The following HECW1 variants were observed in gnomAD, a reference collection of about 807,000 sequenced individuals.
HECW1 encodes E3 ubiquitin-protein ligase HECW1.
In HECW1, 61 loss-of-function variants were observed where a neutral mutation model predicts 182.3. That is an observed-to-expected ratio of 0.33 (90% CI 0.27 to 0.41). The LOEUF (loss-of-function observed/expected upper bound fraction) is 0.41, where lower values mean the gene tolerates loss of function less well. Among genes scored for constraint, HECW1 ranks in the 10% least tolerant of loss-of-function variants. The pLI is 1.00. For missense variants in HECW1, 1,739 were observed against 2,108.9 expected, an observed-to-expected ratio of 0.82 and a Z score of 3.44; for synonymous variants, 859 against 832.6, an observed-to-expected ratio of 1.03 and a Z score of -0.55.
rs955419247 is a variant in HECW1 at position 43,273,864 on chromosome 7, T to G, written c.27+29932T>G. Reference sequence around the variant, plus strand: ...AAGTTGTAAAATATGATTCTTTTTTTTTTTTTTGAGATGGAGTCTCTCTGT... The same window carrying G: ...AAGTTGTAAAATATGATTCTTTTTTGTTTTTTTGAGATGGAGTCTCTCTGT... On this transcript the variant is annotated intron_variant, in intron 3 of 29. Coordinates refer to ENST00000395891, the MANE Select transcript of HECW1 (RefSeq NM_015052.5). Among the ~76,000 whole-genome samples, 4 of 151,866 alleles carry G rather than the reference T, an allele frequency of 2.6e-5. 1 individual carries two copies. Among genetic ancestry groups the G allele is most frequent in the African/African-American group, 9.7e-5 (4 of 41,344 alleles).
rs115570665 is a variant in HECW1, at chr7:43,194,238, T to C, written c.-31-49637T>C. ...GTCAGTTGAGTGGCTTGGAATTCTA[T>C]TTTTTTGGTTTATAAGACCATGGTA... On this transcript the variant is annotated intron_variant, in intron 2 of 29. Coordinates refer to ENST00000395891, the MANE Select transcript of HECW1 (RefSeq NM_015052.5). Among the ~76,000 whole-genome samples, 753 of 152,162 alleles carry C rather than the reference T, an allele frequency of 4.9e-3. 6 individuals are homozygous for C. Among genetic ancestry groups the C allele is most frequent in the African/African-American group, 0.018 (735 of 41,508 alleles).
At chr7:43,544,669 C>T (rs575158456) in intron 26 of HECW1, among the ~76,000 whole-genome samples, 1 of 152,262 alleles carries the variant, frequency 6.6e-6, no homozygotes, top group South Asian at 2.1e-4. Flanking sequence ...TTCATCACAG[C>T]CTTGTTGATA....
At chr7:43,445,783 C>T (rs1309616402) in intron 11 of HECW1, among the ~76,000 whole-genome samples, 1 of 152,186 alleles carries the variant, frequency 6.6e-6, no homozygotes, top group Non-Finnish European at 1.5e-5. Context: ...CTCAGATACA[C>T]ACCAGGAATT....
At chr7:43,257,428 G>A (rs1348714884) in intron 3 of HECW1, among the ~76,000 whole-genome samples, 1 of 152,108 alleles carries the variant, frequency 6.6e-6, no homozygotes, top group East Asian at 1.9e-4. Flanking sequence ...AGTAAAACAG[G>A]GTTCTGCCTT....
intron 3 of HECW1, among the ~76,000 whole-genome samples, chr7:43,283,979 C>T (rs1014126891): frequency 2.0e-5 from 3 of 152,148 alleles, no homozygotes; most frequent in East Asian, 1.9e-4. Context: ...CACCAGGATG[C>T]GTCTGCCCTT....
intron 2 of HECW1, among the ~76,000 whole-genome samples, chr7:43,207,377 T>G (rs1320854714): frequency 1.3e-5 from 2 of 152,194 alleles, no homozygotes. Context: ...ACAAATAATA[T>G]TGTACATTCG....
intron 3 of HECW1, among the ~76,000 whole-genome samples, chr7:43,287,151 A>G (rs1309827009): frequency 6.6e-6 from 1 of 152,218 alleles, no homozygotes; most frequent in South Asian, 2.1e-4. Context: ...GTTTGTTTTC[A>G]GTGGTGTTAA....
intron 12 of HECW1, among the ~76,000 whole-genome samples, chr7:43,453,315 T>A (rs2077295807): frequency 6.6e-6 from 1 of 152,038 alleles, no homozygotes; most frequent in African/African-American, 2.4e-5. Context: ...GGACATATAT[T>A]TTAAAGGTAG....
intron 13 of HECW1, among the ~76,000 whole-genome samples, chr7:43,458,668 A>G (rs2077481286): frequency 6.6e-6 from 1 of 152,224 alleles, no homozygotes; most frequent in South Asian, 2.1e-4. Context: ...TCCATACTTA[A>G]CCTATTGCTT....
intron 3 of HECW1, among the ~76,000 whole-genome samples, chr7:43,309,308 T>C (rs79066439): frequency 6.6e-6 from 1 of 152,080 alleles, no homozygotes; most frequent in South Asian, 2.1e-4. Context: ...TGGGAGAGGG[T>C]GGGGTGCAAG....
intron 2 of HECW1, among the ~76,000 whole-genome samples, chr7:43,196,344 C>T (rs1794458785): frequency 6.6e-6 from 1 of 152,118 alleles, no homozygotes; most frequent in Non-Finnish European, 1.5e-5. Context: ...GTAGGCACTG[C>T]CTCTATCTTT....
rs1300854192 is a variant in HECW1 at position 43,336,103 on chromosome 7, C to CTTCT, written c.460+15382_460+15385dup. Reference sequence around the variant, plus strand: ...TTTCTTTCTTTCTCTTTCTTTCTTTCTTCTTTCTTTCTTTCTTTCTTTCTC... The same window carrying CTTCT: ...TTTCTTTCTTTCTCTTTCTTTCTTTCTTCTTTCTTTCTTTCTTTCTTTCTTTCTC... On this transcript the variant is annotated intron_variant, in intron 5 of 29. Coordinates refer to ENST00000395891, the MANE Select transcript of HECW1 (RefSeq NM_015052.5). Among the ~76,000 whole-genome samples the CTTCT allele has an allele frequency of 9.0e-4, 96 of 107,148 alleles. 6 individuals are homozygous for CTTCT. Among genetic ancestry groups the CTTCT allele is most frequent in the Admixed American group, 1.1e-3 (12 of 10,494 alleles). 70.3% of individuals were successfully genotyped at this position (107,148 alleles called of 152,430 possible). A position where few individuals can be genotyped will look rare whatever the true frequency, so the allele number is the denominator to read the frequency against.
chr7:43,315,222 G>A (rs566069349), intron 4 of HECW1, among the ~76,000 whole-genome samples: 1 of 152,146 alleles, frequency 6.6e-6, no homozygotes, highest in Non-Finnish European at 1.5e-5. Flanking sequence ...TTTACATCAG[G>A]CACCCTATTA....
In HECW1 at chr7:43,335,989, C is replaced by T. The variant is rs928792944; in HGVS notation, c.460+15247C>T. Among the ~76,000 whole-genome samples, 42 of 131,080 alleles carry T rather than the reference C, an allele frequency of 3.2e-4. 1 individual carries two copies. Among genetic ancestry groups the T allele is most frequent in the African/African-American group, 1.0e-3 (39 of 37,204 alleles). The allele number at this position is 131,080 out of a possible 152,430, so 86.0% of individuals were successfully genotyped here. A position where few individuals can be genotyped will look rare whatever the true frequency, so the allele number is the denominator to read the frequency against. On this transcript the variant is annotated intron_variant, in intron 5 of 29. Coordinates refer to ENST00000395891, the MANE Select transcript of HECW1 (RefSeq NM_015052.5). ...CCTTTCCCTCTCTCTCTCTTTCTCTCTCTCTCCTTCCTTCCTTTCTCTTTC... is the reference window on the plus strand; with the variant it reads ...CCTTTCCCTCTCTCTCTCTTTCTCTTTCTCTCCTTCCTTCCTTTCTCTTTC...
intron 6 of HECW1, among the ~76,000 whole-genome samples, chr7:43,393,333 T>C (rs1461821397): frequency 1.3e-5 from 2 of 152,176 alleles, no homozygotes; most frequent in South Asian, 2.1e-4. Context: ...GTGAAACTAT[T>C]TGGGCTGAGT....
chr7:43,561,975 C>T lies in HECW1; in HGVS notation c.*49C>T, dbSNP rs959110238. On this transcript the variant is annotated 3_prime_UTR_variant, in exon 30 of 30. Coordinates refer to ENST00000395891, the MANE Select transcript of HECW1 (RefSeq NM_015052.5). ...TTTCCTGGCCAGTGACATCACCCTT[C>T]CTGGGATGATCCCCTTTTCCCTTTC... The T allele has an allele frequency of 9.5e-7, 1 of 1,047,930 alleles. No homozygotes were observed. Among genetic ancestry groups the T allele is most frequent in the Non-Finnish European group, 1.5e-6 (1 of 668,074 alleles). 64.9% of individuals were successfully genotyped at this position (1,047,930 alleles called of 1,614,324 possible). A position where few individuals can be genotyped will look rare whatever the true frequency, so the allele number is the denominator to read the frequency against.
intron 6 of HECW1, among the ~76,000 whole-genome samples, chr7:43,393,331 A>G (rs186108735): frequency 1.0e-3 from 155 of 152,272 alleles, no homozygotes; most frequent in African/African-American, 3.6e-3. Context: ...GGGTGAAACT[A>G]TTTGGGCTGA....
intron 2 of HECW1, among the ~76,000 whole-genome samples, chr7:43,151,448 G>GTTC (rs1198510462): frequency 6.6e-6 from 1 of 152,158 alleles, no homozygotes; most frequent in Non-Finnish European, 1.5e-5. Flanking sequence ...GATGGGTTGG[G>GTTC]GGAAGATGTG....
At chr7:43,175,515 A>G (rs1056524095) in intron 2 of HECW1, among the ~76,000 whole-genome samples, 4 of 152,342 alleles carry the variant, frequency 2.6e-5, no homozygotes, top group Non-Finnish European at 5.9e-5. Context: ...TTTGAAGACC[A>G]TTTCATGAAC....
Sources: allele counts gnomAD v4.1 joint callset (sites outside exome capture counted in the v4.1 genomes callset), GRCh38; gene constraint gnomAD v4.1.1; transcripts MANE v1.5; gene names NCBI Gene and HGNC (gene_info 2026-07-23, HGNC 2026-07-21).